The following DAZL variants were observed in gnomAD, a reference collection of about 807,000 sequenced individuals.
The protein encoded by DAZL is deleted in azoospermia like, also known as deleted in azoospermia-like.
DAZL carries 4 observed loss-of-function variants against 45.0 expected under a neutral mutation model. The observed-to-expected ratio is 0.09, with a 90% confidence interval of 0.04 to 0.20. DAZL has a LOEUF of 0.20. Among genes scored for constraint, DAZL ranks in the 10% least tolerant of loss-of-function variants. The probability of loss-of-function intolerance (pLI) is 1.00; values close to 1 mark genes in which losing one functional copy is unlikely to be tolerated. For missense variants in DAZL, 326 were observed against 351.3 expected (o/e 0.93, Z 0.58); for synonymous variants, 122 against 112.4 (o/e 1.09, Z -0.54).
At chr3:16,597,790 G>A (rs1436276990) in intron 3 of DAZL, among the ~76,000 whole-genome samples, 2 of 152,120 alleles carry the variant, frequency 1.3e-5, no homozygotes, top group Non-Finnish European at 2.9e-5. Context: ...CCATGAACCT[G>A]AATTTAACTT....
intron 1 of DAZL, chr3:16,604,766 T>A (rs1694749260): frequency 2.3e-6 from 3 of 1,324,384 alleles, no homozygotes; most frequent in Non-Finnish European, 2.9e-6. Flanking sequence ...GAAATGAGGC[T>A]GGCGGGGCGG....
chr3:16,603,918 A>T (rs1694733611), intron 1 of DAZL, among the ~76,000 whole-genome samples: 1 of 152,182 alleles, frequency 6.6e-6, no homozygotes, highest in Admixed American at 6.5e-5. Flanking sequence ...ATTAAGATGG[A>T]TTGCTATTTT....
At chr3:16,598,268 CTCCCCCATTTA>C (rs1420284717) in intron 2 of DAZL, 90 bp from the exon 3 acceptor site, 1 of 1,424,592 alleles carries the variant, frequency 7.0e-7, no homozygotes, top group East Asian at 2.3e-5. Flanking sequence ...GTGACAATTT[CTCCCCCATTTA>C]TCCCCAAATG....
At chr3:16,604,562 C>A in intron 1 of DAZL, 1 of 1,437,296 alleles carries the variant, frequency 7.0e-7, no homozygotes, top group Non-Finnish European at 9.1e-7. Flanking sequence ...GGCCCAGCCC[C>A]CTCAGCTACA....
At chr3:16,604,345 C>T (rs756865176) in intron 1 of DAZL, 50 of 1,151,514 alleles carry the variant, frequency 4.3e-5, no homozygotes, top group Non-Finnish European at 6.1e-5. Context: ...ACCAAATGGA[C>T]ATTTTGTCAA....
At chr3:16,597,079 A>C in intron 4 of DAZL, 28 bp from the exon 5 acceptor site, 3 of 1,601,060 alleles carry the variant, frequency 1.9e-6, no homozygotes, top group Non-Finnish European at 2.6e-6. Context: ...ACAAAACTAG[A>C]ATCAATTTTC....
chr3:16,598,176 C>T lies in DAZL; in HGVS notation c.153G>A (p.Met51Ile). 1 of 1,590,286 alleles carries T rather than the reference C, an allele frequency of 6.3e-7. No individual in the cohort carries two copies. Among genetic ancestry groups the T allele is most frequent in the South Asian group, 1.1e-5 (1 of 90,696 alleles). Residue 51 changes from methionine to isoleucine, a missense_variant and splice_region_variant, in exon 3 of 11, where the codon ATG becomes ATA. Coordinates refer to ENST00000399444, the MANE Select transcript of DAZL (RefSeq NM_001351.4). The part of the protein sequence containing the change: ...TVFVGGIDVR[M>I]DETEIRSFFA... ...AGAAGCTTCTAATCTCAGTTTCATC[C>T]ATCTATGGAAAAGAATTGAACTTCA...
intron 4 of DAZL, 136 bp downstream of exon 4, chr3:16,597,354 T>A: frequency 2.6e-6 from 2 of 758,466 alleles, no homozygotes; most frequent in Admixed American, 4.5e-5. Context: ...ACAAGTTATG[T>A]AAGATTCCTC....
rs1257109279 is a variant in DAZL, at chr3:16,588,275, CTTG to C, written c.*382_*384del. On this transcript the variant is annotated 3_prime_UTR_variant, in exon 11 of 11. Transcript: ENST00000399444. ...GTAAATACTGTACTGTTCACAGGTA[CTTG>C]TTGGAGAAGTGAAATGTTTGTATTC... The C allele has an allele frequency of 1.1e-5, 3 of 285,182 alleles. No homozygotes were observed. The highest frequency in any genetic ancestry group is 6.6e-5 in the African/African-American group (3 of 45,462). The allele number at this position is 285,182 out of a possible 1,614,324, so 17.7% of individuals were successfully genotyped here. A position where few individuals can be genotyped will look rare whatever the true frequency, so the allele number is the denominator to read the frequency against.
chr3:16,604,674 A>C (rs888660248), intron 1 of DAZL: 124 of 1,356,246 alleles, frequency 9.1e-5, no homozygotes, highest in Non-Finnish European at 1.0e-4. Context: ...TTCCTAAGGA[A>C]GCTCCGGCCC....
At chr3:16,593,514 G>C in intron 9 of DAZL, 141 bp downstream of exon 9, 1 of 587,678 alleles carries the variant, frequency 1.7e-6, no homozygotes, top group Non-Finnish European at 3.0e-6. Context: ...TTACTATTTG[G>C]TCAAGCCAGT....
At chr3:16,603,301 A>T (rs1694720684) in intron 1 of DAZL, among the ~76,000 whole-genome samples, 2 of 152,204 alleles carry the variant, frequency 1.3e-5, no homozygotes, top group South Asian at 2.1e-4. Flanking sequence ...CATCTCAAGG[A>T]ATTAATAATA....
chr3:16,594,585 TTA>T lies in DAZL; in HGVS notation c.571-4_571-3del. ...CCCAACAGGCCACTGTGGTGGCATC[TTA>T]AAAAAAAAAAAAAGGAAACCAAAAT... is the stretch of plus-strand genomic sequence containing the variant. On this transcript the variant is annotated splice_region_variant and splice_polypyrimidine_tract_variant and intron_variant, in intron 7 of 10. Transcript: ENST00000399444. The T allele has an allele frequency of 1.3e-6, 2 of 1,535,724 alleles. No individual in the cohort carries two copies. Among genetic ancestry groups the T allele is most frequent in the Non-Finnish European group, 1.7e-6 (2 of 1,147,534 alleles).
chr3:16,604,214 T>G (rs1694738214), intron 1 of DAZL, among the ~76,000 whole-genome samples: 1 of 152,180 alleles, frequency 6.6e-6, no homozygotes, highest in African/African-American at 2.4e-5. Flanking sequence ...ACACACAGCA[T>G]GTAATACGCG....
intron 1 of DAZL, among the ~76,000 whole-genome samples, chr3:16,600,141 C>A (rs1694660912): frequency 6.6e-6 from 1 of 151,980 alleles, no homozygotes; most frequent in African/African-American, 2.4e-5. Flanking sequence ...CTGTTGACTA[C>A]AAAAGGTAAC....
Position 16,605,394 on chromosome 3 carries a change from G to C in DAZL, c.-189C>G. The C allele has an allele frequency of 1.4e-6, 1 of 714,800 alleles. No individual in the cohort carries two copies. Among genetic ancestry groups the C allele is most frequent in the Admixed American group, 2.2e-5 (1 of 46,150 alleles). The allele number at this position is 714,800 out of a possible 1,614,324, so 44.3% of individuals were successfully genotyped here. On this transcript the variant is annotated 5_prime_UTR_variant, in exon 1 of 11. Coordinates refer to ENST00000399444, the MANE Select transcript of DAZL (RefSeq NM_001351.4). ...CAAGGCTGAGGAGCCCCGAAAGGCGGACCGTCAGGCTGAGGAGCGCAGGCG... is the reference window on the plus strand; with the variant it reads ...CAAGGCTGAGGAGCCCCGAAAGGCGCACCGTCAGGCTGAGGAGCGCAGGCG...
At position 16,605,110 on chromosome 3, in the gene DAZL, G is replaced by A. The variant is rs569668749; in HGVS notation, c.3+93C>T. On this transcript the variant is annotated intron_variant, in intron 1 of 10. Transcript: ENST00000399444. ...GGTGCCCCCCAAACAGGAAAGCCGA[G>A]GATGACTTCACTTTCCGACCCTGCA... The A allele has an allele frequency of 3.7e-5, 56 of 1,516,900 alleles. No homozygotes were observed. The South Asian group carries it at 5.8e-4, about 16-fold the overall frequency. The allele number at this position is 1,516,900 out of a possible 1,614,324, so 94.0% of individuals were successfully genotyped here.
At chr3:16,594,704 GA>G in intron 7 of DAZL, 121 bp from the exon 8 acceptor site, 1 of 580,240 alleles carries the variant, frequency 1.7e-6, no homozygotes, top group Non-Finnish European at 2.9e-6. Flanking sequence ...TATAATAAAA[GA>G]AACAGAATGA....
At chr3:16,593,106 A>G (rs912912156) in intron 9 of DAZL, among the ~76,000 whole-genome samples, 4 of 152,242 alleles carry the variant, frequency 2.6e-5, no homozygotes, top group African/African-American at 9.6e-5. Context: ...TTATAAAAGA[A>G]AAGGTACATG....
Sources: allele counts gnomAD v4.1 joint callset (sites outside exome capture counted in the v4.1 genomes callset), GRCh38; gene constraint gnomAD v4.1.1; transcripts MANE v1.5; gene names NCBI Gene and HGNC (gene_info 2026-07-23, HGNC 2026-07-21).